Variants in FKBP7 observed in about 807,000 individuals in gnomAD.
FKBP7 encodes FKBP prolyl isomerase 7.
Under a neutral mutation model 24.3 loss-of-function variants are expected in FKBP7, and 24 were observed. The observed-to-expected ratio is 0.99, with a 90% CI of 0.72 to 1.39. The LOEUF (loss-of-function observed/expected upper bound fraction) is 1.39, where lower values mean the gene tolerates loss of function less well. FKBP7 is among the 40% of genes most tolerant of loss of function. The probability of loss-of-function intolerance (pLI) is 0.00; values close to 1 mark genes in which losing one functional copy is unlikely to be tolerated. For synonymous variants in FKBP7, 98 were observed against 92.8 expected (o/e 1.06, Z -0.32); for missense variants, 257 against 269.5 (o/e 0.95, Z 0.33).
chr2:178,468,240 A>G (rs1241779168), intron 3 of FKBP7, among the ~76,000 whole-genome samples: 2 of 152,236 alleles, frequency 1.3e-5, no homozygotes, highest in African/African-American at 2.4e-5. Context: ...CTGGTTTACT[A>G]ATTTTAAGCA....
chr2:178,474,868 T>A (rs1449230137), intron 2 of FKBP7, among the ~76,000 whole-genome samples: 1 of 152,200 alleles, frequency 6.6e-6, no homozygotes, highest in African/African-American at 2.4e-5. Flanking sequence ...TTTAATTTTC[T>A]GTAGAGATTG....
At position 178,477,005 on chromosome 2, in the gene FKBP7, T is replaced by C. The variant is rs1685028103; in HGVS notation, c.373+57A>G. 3.9e-6 allele frequency: 5 copies of C among 1,290,708 alleles called. No homozygotes were observed. In the African/African-American group the frequency reaches 4.6e-5, roughly 12 times the overall value. 80.0% of individuals were successfully genotyped at this position (1,290,708 alleles called of 1,614,324 possible). On this transcript the variant is annotated intron_variant, in intron 2 of 3. Coordinates refer to ENST00000424785, the MANE Select transcript of FKBP7 (RefSeq NM_181342.3). The stretch of plus-strand genomic sequence containing the variant: ...TCTTTCAGACCTATATACCCAGAAA[T>C]CTATTAATCATTTTTTAAATATAAC...
In FKBP7 at chr2:178,464,179, T is replaced by G. The variant is rs1684594502; in HGVS notation, c.*1591A>C. The stretch of plus-strand genomic sequence containing the variant: ...CTCTATTTTTAAATAGAATTTTTGA[T>G]AGTGTAAAGAAGTTAAAGGATGAAC... On this transcript the variant is annotated 3_prime_UTR_variant, in exon 4 of 4. Coordinates refer to ENST00000424785, the MANE Select transcript of FKBP7 (RefSeq NM_181342.3). 1 of 152,216 alleles carries G rather than the reference T, an allele frequency of 6.6e-6. No individual in the cohort carries two copies. Among genetic ancestry groups the G allele is most frequent in the South Asian group, 2.1e-4 (1 of 4,824 alleles). The allele number at this position is 152,216 out of a possible 1,614,324, so 9.4% of individuals were successfully genotyped here. A position where few individuals can be genotyped will look rare whatever the true frequency, so the allele number is the denominator to read the frequency against.
rs566723930 is a variant in FKBP7 at position 178,468,184 on chromosome 2, G to A, written c.507+1468C>T. On this transcript the variant is annotated intron_variant, in intron 3 of 3. Transcript: ENST00000424785. ...TTTTACTACTTACTTATGTGGTAGA[G>A]TTACACATTTTTAAATGTCTCCTAA... 5.9e-5 allele frequency among the ~76,000 whole-genome samples: 9 copies of A among 152,322 alleles called. No individual in the cohort carries two copies. The East Asian group carries it at 1.3e-3, about 23-fold the overall frequency.
intron 2 of FKBP7, among the ~76,000 whole-genome samples, 178 bp downstream of exon 2, chr2:178,476,884 T>A (rs1301278582): frequency 6.6e-6 from 1 of 152,126 alleles, no homozygotes; most frequent in Admixed American, 6.6e-5. Context: ...CATTTCTCTA[T>A]GTATGGACAT....
chr2:178,469,364 T>C (rs1459360138), intron 3 of FKBP7, among the ~76,000 whole-genome samples: 1 of 152,194 alleles, frequency 6.6e-6, no homozygotes, highest in African/African-American at 2.4e-5. Flanking sequence ...AAAAGAGATA[T>C]GCTAGTGTAA....
chr2:178,476,664 G>A (rs2154127205), intron 2 of FKBP7, among the ~76,000 whole-genome samples: 1 of 147,350 alleles, frequency 6.8e-6, no homozygotes, highest in South Asian at 2.1e-4. Context: ...ACATGTTGGT[G>A]CATGTCTCAG....
rs1345161147 is a variant in FKBP7, at chr2:178,464,416, G to T, written c.*1354C>A. The stretch of plus-strand genomic sequence containing the variant: ...TGACTCATGGTTCCCCATGGCTGGG[G>T]AGGCCTCAGGAAGCTTACAATCATG... On this transcript the variant is annotated 3_prime_UTR_variant, in exon 4 of 4. Coordinates refer to ENST00000424785, the MANE Select transcript of FKBP7 (RefSeq NM_181342.3). The T allele has an allele frequency of 6.6e-6, 1 of 152,216 alleles. No individual in the cohort carries two copies. The highest frequency in any genetic ancestry group is 2.4e-5 in the African/African-American group (1 of 41,448). The allele number at this position is 152,216 out of a possible 1,614,324, so 9.4% of individuals were successfully genotyped here.
intron 2 of FKBP7, among the ~76,000 whole-genome samples, chr2:178,472,737 T>C (rs768211111): frequency 2.7e-5 from 4 of 149,818 alleles, no homozygotes; most frequent in Non-Finnish European, 5.9e-5. Flanking sequence ...TAATCCCAGC[T>C]CCTCGGAGGC....
intron 2 of FKBP7, chr2:178,473,124 A>C: frequency 7.7e-7 from 1 of 1,300,950 alleles, no homozygotes; most frequent in South Asian, 1.2e-5. Flanking sequence ...TGCAGAAGAA[A>C]GACTTCTTCA....
chr2:178,477,308 C>A (rs1297321041), intron 1 of FKBP7, 95 bp from the exon 2 acceptor site: 1 of 1,232,032 alleles, frequency 8.1e-7, no homozygotes, highest in Non-Finnish European at 1.2e-6. Flanking sequence ...CTCTAACCAT[C>A]ATTCCCATAT....
chr2:178,476,981 C>T lies in FKBP7; in HGVS notation c.373+81G>A, dbSNP rs1015741618. The T allele has an allele frequency of 2.9e-6, 3 of 1,028,622 alleles. No homozygotes were observed. The African/African-American group carries it at 4.9e-5, about 17-fold the overall frequency. The allele number at this position is 1,028,622 out of a possible 1,614,324, so 63.7% of individuals were successfully genotyped here. A position where few individuals can be genotyped will look rare whatever the true frequency, so the allele number is the denominator to read the frequency against. On this transcript the variant is annotated intron_variant, in intron 2 of 3. Transcript: ENST00000424785. ...TTTCTTTGAGACTGTGCTTTCAATT[C>T]TTTCAGACCTATATACCCAGAAATC...
chr2:178,470,644 A>G (rs1684821604), intron 2 of FKBP7, among the ~76,000 whole-genome samples: 1 of 152,190 alleles, frequency 6.6e-6, no homozygotes, highest in Admixed American at 6.5e-5. Context: ...AAATAAGTGC[A>G]ATGATAGAAA....
intron 2 of FKBP7, among the ~76,000 whole-genome samples, chr2:178,473,598 A>G (rs1336596194): frequency 1.3e-5 from 2 of 152,242 alleles, no homozygotes; most frequent in Non-Finnish European, 2.9e-5. Flanking sequence ...TGAACCCTGG[A>G]TGAGCACCTG....
At position 178,468,929 on chromosome 2, in the gene FKBP7, T is replaced by C. The variant is rs540763709; in HGVS notation, c.507+723A>G. On this transcript the variant is annotated intron_variant, in intron 3 of 3. Coordinates refer to ENST00000424785, the MANE Select transcript of FKBP7 (RefSeq NM_181342.3). Reference sequence around the variant, plus strand: ...TCTTCCAGGCTGGAGTGCAGTGGCATGATCACAGCTCACTGCAGCCCCAAC... The same window carrying C: ...TCTTCCAGGCTGGAGTGCAGTGGCACGATCACAGCTCACTGCAGCCCCAAC... Among the ~76,000 whole-genome samples the C allele has an allele frequency of 1.4e-3, 218 of 151,934 alleles. 5 individuals carry two copies. The South Asian group carries it at 0.022, about 15-fold the overall frequency.
intron 1 of FKBP7, 42 bp downstream of exon 1, chr2:178,478,237 T>G: frequency 6.2e-7 from 1 of 1,609,334 alleles, no homozygotes; most frequent in Non-Finnish European, 8.5e-7. Context: ...CAGGCAAGAT[T>G]TTGTGCAACT....
chr2:178,477,609 T>C (rs1368063314), intron 1 of FKBP7, among the ~76,000 whole-genome samples: 1 of 152,028 alleles, frequency 6.6e-6, no homozygotes, highest in African/African-American at 2.4e-5. Flanking sequence ...ATGGTATATT[T>C]TCTTATTAAA....
chr2:178,474,279 C>G (rs972767859), intron 2 of FKBP7, among the ~76,000 whole-genome samples: 4 of 152,204 alleles, frequency 2.6e-5, no homozygotes, highest in Non-Finnish European at 5.9e-5. Context: ...AAGAACCTAA[C>G]TAAGGATGCA....
rs778301508 is a variant in FKBP7, at chr2:178,465,934, G to T, written c.508-3C>A. 8.8e-6 allele frequency: 14 copies of T among 1,583,974 alleles called. No individual in the cohort carries two copies. Among genetic ancestry groups the T allele is most frequent in the Non-Finnish European group, 1.2e-5 (14 of 1,168,036 alleles). On this transcript the variant is annotated splice_region_variant and splice_polypyrimidine_tract_variant and intron_variant, in intron 3 of 3. Coordinates refer to ENST00000424785, the MANE Select transcript of FKBP7 (RefSeq NM_181342.3). ...TCCCTTTGCAAGTAGAGGTTTATCT[G>T]GAAGGCCAAAATAACATTCCTTTAA...
Sources: allele counts gnomAD v4.1 joint callset (sites outside exome capture counted in the v4.1 genomes callset), GRCh38; gene constraint gnomAD v4.1.1; transcripts MANE v1.5; gene names NCBI Gene and HGNC (gene_info 2026-07-23, HGNC 2026-07-21).